ME3: variants seen among roughly 807,000 people sequenced by gnomAD.
The protein encoded by ME3 is malic enzyme 3.
Under a neutral mutation model 68.9 loss-of-function variants are expected in ME3, and 48 were observed. The ratio of observed to expected loss-of-function variants is 0.70; its 90% CI spans 0.55 to 0.89. ME3 has a LOEUF of 0.89. Among genes scored for constraint, ME3 ranks in the 40% least tolerant of loss-of-function variants. The pLI, the probability that ME3 is intolerant of heterozygous loss-of-function variation, is 0.00. For synonymous variants in ME3, 320 were observed against 318.8 expected (o/e 1.00, Z -0.04); for missense variants, 675 against 797.4 (o/e 0.85, Z 1.85).
chr11:86,466,795 A>G (rs149818582), intron 7 of ME3, among the ~76,000 whole-genome samples: 3 of 152,338 alleles, frequency 2.0e-5, no homozygotes, highest in Non-Finnish European at 4.4e-5. Context: ...GCAGAAACAC[A>G]GGGGCAGTGA....
intron 2 of ME3, among the ~76,000 whole-genome samples, chr11:86,581,085 A>G (rs1411179801): frequency 8.5e-5 from 13 of 152,232 alleles, no homozygotes; most frequent in Admixed American, 8.5e-4. Flanking sequence ...GGTTTGTCAA[A>G]TTCAATCCAA....
chr11:86,536,391 C>T (rs1002098088), intron 4 of ME3, among the ~76,000 whole-genome samples: 1 of 137,688 alleles, frequency 7.3e-6, no homozygotes. Flanking sequence ...ACTCATCTGA[C>T]AAAGGGCTAA....
chr11:86,609,002 T>C (rs1260733821), intron 2 of ME3, among the ~76,000 whole-genome samples: 1 of 152,272 alleles, frequency 6.6e-6, no homozygotes, highest in Non-Finnish European at 1.5e-5. Flanking sequence ...GTAAACACTT[T>C]ACTGGCATTT....
At chr11:86,615,082 G>T (rs967745918) in intron 2 of ME3, among the ~76,000 whole-genome samples, 1 of 152,144 alleles carries the variant, frequency 6.6e-6, no homozygotes, top group Non-Finnish European at 1.5e-5. Flanking sequence ...TTGGCTTGAG[G>T]TCCTTTTGGA....
intron 4 of ME3, among the ~76,000 whole-genome samples, chr11:86,532,338 C>T (rs890774355): frequency 2.8e-5 from 4 of 143,288 alleles, no homozygotes; most frequent in Admixed American, 2.1e-4. Flanking sequence ...AAATAACATT[C>T]GACTTGAATT....
chr11:86,487,342 T>C (rs1951753955), exon 7 of ME3: 2 of 1,614,008 alleles, frequency 1.2e-6, no homozygotes, highest in Non-Finnish European at 1.7e-6. Flanking sequence ...CTTACTTGTC[T>C]GTCACAGCCT....
intron 2 of ME3, among the ~76,000 whole-genome samples, chr11:86,635,976 T>C (rs1297284724): frequency 6.6e-6 from 1 of 152,224 alleles, no homozygotes; most frequent in Non-Finnish European, 1.5e-5. Context: ...CTGGGGCTGC[T>C]TTGTTTAACC....
intron 2 of ME3, among the ~76,000 whole-genome samples, chr11:86,587,937 G>A (rs1366619079): frequency 1.3e-5 from 2 of 152,188 alleles, no homozygotes; most frequent in African/African-American, 4.8e-5. Flanking sequence ...CTCAGTTAAT[G>A]TCTGGATGTA....
At chr11:86,456,943 C>T (rs933255618) in intron 8 of ME3, among the ~76,000 whole-genome samples, 2 of 152,172 alleles carry the variant, frequency 1.3e-5, no homozygotes, top group African/African-American at 4.8e-5. Flanking sequence ...GAGTGACGCT[C>T]AAGGGAAATG....
intron 2 of ME3, among the ~76,000 whole-genome samples, chr11:86,596,328 A>T (rs957228447): frequency 6.6e-6 from 1 of 152,228 alleles, no homozygotes. Flanking sequence ...AAAAATGGGC[A>T]GAATGTAAAG....
chr11:86,475,736 T>C (rs1310932145), intron 7 of ME3, among the ~76,000 whole-genome samples: 2 of 151,854 alleles, frequency 1.3e-5, no homozygotes, highest in African/African-American at 4.8e-5. Flanking sequence ...AATGAGTGGG[T>C]TGTTTCTTGC....
chr11:86,543,390 G>A (rs1447983544), intron 4 of ME3, among the ~76,000 whole-genome samples: 1 of 152,186 alleles, frequency 6.6e-6, no homozygotes, highest in Non-Finnish European at 1.5e-5. Context: ...AACCATTGGT[G>A]TGCTGTATTC....
chr11:86,626,060 A>G (rs913906900), intron 2 of ME3, among the ~76,000 whole-genome samples: 1 of 152,208 alleles, frequency 6.6e-6, no homozygotes, highest in Non-Finnish European at 1.5e-5. Flanking sequence ...CAATATAGAT[A>G]TGACAGAGGG....
At chr11:86,571,039 AG>A (rs1373587958) in intron 2 of ME3, among the ~76,000 whole-genome samples, 3 of 152,244 alleles carry the variant, frequency 2.0e-5, no homozygotes, top group Non-Finnish European at 4.4e-5. Flanking sequence ...GGTTTTAAAA[AG>A]TTTTTAAAAG....
chr11:86,665,053 G>A (rs1339862242), intron 2 of ME3, among the ~76,000 whole-genome samples: 1 of 152,178 alleles, frequency 6.6e-6, no homozygotes, highest in African/African-American at 2.4e-5. Flanking sequence ...TTGGCAAAAG[G>A]CAGGGTGAAG....
intron 6 of ME3, among the ~76,000 whole-genome samples, chr11:86,490,130 T>C (rs759379395): frequency 5.9e-5 from 9 of 152,070 alleles, no homozygotes; most frequent in Non-Finnish European, 1.0e-4. Flanking sequence ...CATATCACTG[T>C]ATTAGGTGTG....
chr11:86,464,819 T>C (rs1950397710), intron 8 of ME3, among the ~76,000 whole-genome samples: 1 of 152,266 alleles, frequency 6.6e-6, no homozygotes, highest in South Asian at 2.1e-4. Flanking sequence ...ATTACAGCAT[T>C]GTTTAGAATT....
intron 2 of ME3, among the ~76,000 whole-genome samples, chr11:86,641,258 C>T (rs879297561): frequency 1.3e-5 from 2 of 152,062 alleles, no homozygotes; most frequent in Non-Finnish European, 2.9e-5. Flanking sequence ...TAACATAACT[C>T]AAGACAGAAA....
intron 2 of ME3, among the ~76,000 whole-genome samples, chr11:86,560,899 G>A (rs76273257): frequency 0.03 from 4,559 of 151,336 alleles, 90 homozygotes; most frequent in Middle Eastern, 0.082. Flanking sequence ...AGGAGCCCTG[G>A]TCAGGTATTT....
Sources: gnomAD v4.1 joint callset for allele counts (sites outside exome capture counted in the v4.1 genomes callset) on GRCh38, gnomAD v4.1.1 for gene constraint, MANE v1.5 for transcripts, NCBI Gene and HGNC (gene_info 2026-07-23, HGNC 2026-07-21) for gene names.